The following CNTN4 variants were observed in gnomAD, a reference collection of about 807,000 sequenced individuals.
The protein encoded by CNTN4 is contactin-4.
A neutral mutation model predicts 122.5 loss-of-function variants in CNTN4; 77 were observed. That is an observed-to-expected ratio of 0.63 (90% CI 0.52 to 0.76). CNTN4 has a LOEUF of 0.76. Among genes scored for constraint, CNTN4 ranks in the 30% least tolerant of loss-of-function variants. The probability of loss-of-function intolerance (pLI) is 0.00; values close to 1 mark genes in which losing one functional copy is unlikely to be tolerated. For missense variants in CNTN4, 1,256 were observed against 1,259.1 expected (o/e 1.00, Z 0.04); for synonymous variants, 512 against 447.0 (o/e 1.15, Z -1.83).
At chr3:2,725,700 G>A (rs1053709337) in intron 4 of CNTN4, among the ~76,000 whole-genome samples, 2 of 152,224 alleles carry the variant, frequency 1.3e-5, no homozygotes, top group African/African-American at 2.4e-5. Context: ...AGTTGATCCC[G>A]GTGGTGTTCA....
chr3:2,814,506 A>C (rs1428259887), intron 6 of CNTN4, among the ~76,000 whole-genome samples: 1 of 152,194 alleles, frequency 6.6e-6, no homozygotes, highest in East Asian at 1.9e-4. Context: ...GTGCCCAACC[A>C]CAAAGAAAAG....
At chr3:2,510,190 C>G (rs984937175) in intron 3 of CNTN4, among the ~76,000 whole-genome samples, 1 of 152,148 alleles carries the variant, frequency 6.6e-6, no homozygotes, top group African/African-American at 2.4e-5. Flanking sequence ...TTATTTCACT[C>G]CCGTCACCCC....
At chr3:2,927,279 A>G (rs1385849336) in intron 13 of CNTN4, 3 of 455,284 alleles carry the variant, frequency 6.6e-6, no homozygotes, top group Non-Finnish European at 1.3e-5. Context: ...ACAAAAGGCA[A>G]TTTCTCTTTT....
At chr3:2,630,375 G>A (rs1448644290) in intron 4 of CNTN4, among the ~76,000 whole-genome samples, 1 of 152,168 alleles carries the variant, frequency 6.6e-6, no homozygotes, top group East Asian at 1.9e-4. Flanking sequence ...GGAGGCAGAG[G>A]TTGCAGTGAG....
At chr3:2,943,292 C>T (rs1327912303) in intron 13 of CNTN4, among the ~76,000 whole-genome samples, 1 of 152,190 alleles carries the variant, frequency 6.6e-6, no homozygotes. Flanking sequence ...GGCTGTTAGA[C>T]CTAAAACTGA....
At chr3:3,040,895 C>G (rs190680169) in intron 20 of CNTN4, 1 of 152,136 alleles carries the variant, frequency 6.6e-6, no homozygotes, top group Admixed American at 6.6e-5. Context: ...CCACTGCACT[C>G]CAGCCTGGGC....
Position 2,795,645 on chromosome 3 carries a change from T to C in CNTN4, c.359-23841T>C, listed in dbSNP as rs368454078. 6.1e-3 allele frequency among the ~76,000 whole-genome samples: 932 copies of C among 151,960 alleles called. 11 individuals are homozygous for C. The highest frequency in any genetic ancestry group is 0.02 in the African/African-American group (818 of 41,452). On this transcript the variant is annotated intron_variant, in intron 6 of 24. Coordinates refer to ENST00000418658, the MANE Select transcript of CNTN4 (RefSeq NM_175607.3). Reference sequence around the variant, plus strand: ...ACGCCATTCTCCTGCCTCAGCCTCCTGAGTAGCTGGGACCACAGGCGCCCA... The same window carrying C: ...ACGCCATTCTCCTGCCTCAGCCTCCCGAGTAGCTGGGACCACAGGCGCCCA...
chr3:2,172,819 T>A (rs963703487), intron 2 of CNTN4, among the ~76,000 whole-genome samples: 2 of 151,978 alleles, frequency 1.3e-5, no homozygotes, highest in Non-Finnish European at 2.9e-5. Context: ...AAAACCTGGA[T>A]TGGAGTAGAG....
At chr3:2,759,382 G>A (rs2090484177) in intron 6 of CNTN4, among the ~76,000 whole-genome samples, 1 of 151,970 alleles carries the variant, frequency 6.6e-6, no homozygotes, top group African/African-American at 2.4e-5. Context: ...CCTGACCTCA[G>A]GTGATCTGCC....
intron 7 of CNTN4, among the ~76,000 whole-genome samples, chr3:2,826,484 A>G (rs1559548633): frequency 2.0e-5 from 3 of 152,200 alleles, no homozygotes. Context: ...CAGCTGGACC[A>G]TGCTGTATTT....
intron 7 of CNTN4, among the ~76,000 whole-genome samples, chr3:2,825,808 T>C (rs1420480035): frequency 6.6e-6 from 1 of 152,148 alleles, no homozygotes; most frequent in African/African-American, 2.4e-5. Flanking sequence ...ACCACCTGAT[T>C]CTGATTCTGC....
intron 2 of CNTN4, among the ~76,000 whole-genome samples, chr3:2,122,072 G>A (rs1574875449): frequency 6.6e-6 from 1 of 151,696 alleles, no homozygotes; most frequent in Non-Finnish European, 1.5e-5. Flanking sequence ...GGAGAATGGC[G>A]GGAACCCGGG....
intron 3 of CNTN4, among the ~76,000 whole-genome samples, chr3:2,480,062 C>G (rs1030011239): frequency 5.3e-5 from 8 of 151,930 alleles, no homozygotes; most frequent in African/African-American, 9.7e-5. Context: ...TTGACAGATT[C>G]AACACTCATT....
chr3:2,923,080 A>G (rs562594974), intron 12 of CNTN4, among the ~76,000 whole-genome samples: 3 of 152,334 alleles, frequency 2.0e-5, no homozygotes, highest in Admixed American at 6.5e-5. Flanking sequence ...AAATCCTGTA[A>G]AAGCAAAATG....
intron 2 of CNTN4, among the ~76,000 whole-genome samples, chr3:2,111,329 T>C (rs2032939954): frequency 6.6e-6 from 1 of 152,190 alleles, no homozygotes; most frequent in Admixed American, 6.5e-5. Context: ...AATTAATACT[T>C]TTCTTTTAAA....
chr3:2,434,233 CAT>C (rs1482962913), intron 3 of CNTN4, among the ~76,000 whole-genome samples: 1 of 152,112 alleles, frequency 6.6e-6, no homozygotes, highest in African/African-American at 2.4e-5. Flanking sequence ...ATATTGTAAA[CAT>C]ATTTGATAAC....
rs1052855531 is a variant in CNTN4 at position 2,814,357 on chromosome 3, C to T, written c.359-5129C>T. 7.9e-5 allele frequency among the ~76,000 whole-genome samples: 12 copies of T among 152,180 alleles called. No individual in the cohort carries two copies. In the East Asian group the frequency reaches 1.7e-3, roughly 22 times the overall value. On this transcript the variant is annotated intron_variant, in intron 6 of 24. Transcript: ENST00000418658. ...CTATCTTTGGTGACCAATTGCTAAA[C>T]GGAATACAAGCCAAGTGTAATTGTT...
At chr3:2,574,411 A>C (rs947458852) in intron 4 of CNTN4, among the ~76,000 whole-genome samples, 1 of 152,082 alleles carries the variant, frequency 6.6e-6, no homozygotes, top group Admixed American at 6.5e-5. Context: ...TTCTTCCCCA[A>C]GTAAGACAGG....
chr3:2,171,696 G>T (rs1196856393), intron 2 of CNTN4, among the ~76,000 whole-genome samples: 1 of 152,184 alleles, frequency 6.6e-6, no homozygotes, highest in Non-Finnish European at 1.5e-5. Flanking sequence ...CTCACTGTTA[G>T]ACTCTGCTCA....
Sources: gnomAD v4.1 joint callset for allele counts (sites outside exome capture counted in the v4.1 genomes callset) on GRCh38, gnomAD v4.1.1 for gene constraint, MANE v1.5 for transcripts, NCBI Gene and HGNC (gene_info 2026-07-23, HGNC 2026-07-21) for gene names.